Variants in TC2N observed in about 807,000 individuals in gnomAD.
The protein encoded by TC2N is tandem C2 domains, nuclear.
A neutral mutation model predicts 61.9 loss-of-function variants in TC2N; 51 were observed. The observed-to-expected ratio is 0.82, with a 90% CI of 0.66 to 1.04. The LOEUF is 1.04. Among genes scored for constraint, TC2N ranks in the 50% least tolerant of loss-of-function variants. The probability of loss-of-function intolerance (pLI) is 0.00; values close to 1 mark genes in which losing one functional copy is unlikely to be tolerated. For synonymous variants in TC2N, 204 were observed against 192.6 expected (o/e 1.06, Z -0.49); for missense variants, 556 against 566.7 (o/e 0.98, Z 0.19).
intron 1 of TC2N, among the ~76,000 whole-genome samples, chr14:91,827,505 T>C (rs1044261690): frequency 1.3e-5 from 2 of 152,192 alleles, no homozygotes; most frequent in African/African-American, 2.4e-5. Context: ...CTGCTACCAT[T>C]GTTACATCTT....
intron 1 of TC2N, among the ~76,000 whole-genome samples, chr14:91,853,411 C>T (rs932328842): frequency 1.3e-5 from 2 of 152,066 alleles, no homozygotes; most frequent in African/African-American, 4.8e-5. Context: ...AGTCAGTCCC[C>T]AGTAGATGTT....
At chr14:91,802,215 G>C (rs768912388) in intron 4 of TC2N, 39 bp downstream of exon 4, 1 of 1,462,244 alleles carries the variant, frequency 6.8e-7, no homozygotes, top group Admixed American at 2.8e-5. Context: ...ATTTCTTAAA[G>C]AGAAACACAG....
At chr14:91,856,215 G>T (rs2007104) in intron 1 of TC2N, among the ~76,000 whole-genome samples, 1 of 152,232 alleles carries the variant, frequency 6.6e-6, no homozygotes, top group East Asian at 1.9e-4. Context: ...AGGGCCAGGC[G>T]TCCTGGCTCA....
intron 9 of TC2N, among the ~76,000 whole-genome samples, chr14:91,788,028 A>G (rs1424804401): frequency 2.0e-5 from 3 of 152,202 alleles, no homozygotes; most frequent in African/African-American, 7.2e-5. Flanking sequence ...AAAGTTACAT[A>G]TGAAAATCAT....
chr14:91,795,117 C>G (rs911857747), intron 8 of TC2N, among the ~76,000 whole-genome samples: 3 of 152,014 alleles, frequency 2.0e-5, no homozygotes, highest in East Asian at 3.8e-4. Flanking sequence ...CCTGAAGATG[C>G]AATTGAATGG....
At chr14:91,857,698 C>A (rs908722150) in intron 1 of TC2N, among the ~76,000 whole-genome samples, 1 of 152,218 alleles carries the variant, frequency 6.6e-6, no homozygotes, top group African/African-American at 2.4e-5. Context: ...ACTCCAATCC[C>A]AGCATTCCTT....
intron 1 of TC2N, among the ~76,000 whole-genome samples, chr14:91,820,640 G>T (rs944587066): frequency 1.3e-5 from 2 of 151,450 alleles, no homozygotes; most frequent in East Asian, 1.9e-4. Context: ...TTTGTCAAAG[G>T]CATTCATCTT....
At chr14:91,796,076 T>C (rs1472363682) in intron 8 of TC2N, among the ~76,000 whole-genome samples, 2 of 152,056 alleles carry the variant, frequency 1.3e-5, no homozygotes, top group Non-Finnish European at 2.9e-5. Context: ...TGGGAACATT[T>C]TTCCTAACTT....
chr14:91,802,376 C>T lies in TC2N; in HGVS notation c.347G>A (p.Ser116Asn), dbSNP rs1319007121. The change falls in exon 4 of 12, where the codon AGT becomes AAT. Residue 116 changes from serine (S) to asparagine (N), a missense_variant. Transcript: ENST00000435962. ...SFGDRKVELSSSSQHGPSYDV... is the reference protein window; with the variant it reads ...SFGDRKVELSNSSQHGPSYDV... ...ATAGCTAGGTCCGTGCTGGGATGAA[C>T]TGGAAAGTTCTACCTTTCGATCTCC... 1.2e-6 allele frequency: 2 copies of T among 1,612,292 alleles called. No homozygotes were observed. Among genetic ancestry groups the T allele is most frequent in the Admixed American group, 3.4e-5 (2 of 59,652 alleles).
intron 1 of TC2N, among the ~76,000 whole-genome samples, chr14:91,827,891 T>C (rs898562711): frequency 2.0e-5 from 3 of 152,232 alleles, no homozygotes; most frequent in African/African-American, 7.2e-5. Flanking sequence ...TGCCAATCAA[T>C]CCATGTGTGA....
chr14:91,815,446 A>G (rs1173595150), intron 1 of TC2N, among the ~76,000 whole-genome samples: 1 of 151,660 alleles, frequency 6.6e-6, no homozygotes, highest in Non-Finnish European at 1.5e-5. Flanking sequence ...AATAAGATAT[A>G]GAGCAAATAA....
At chr14:91,799,824 T>C (rs1380405814) in intron 5 of TC2N, among the ~76,000 whole-genome samples, 2 of 152,136 alleles carry the variant, frequency 1.3e-5, no homozygotes, top group African/African-American at 4.8e-5. Flanking sequence ...TACAGTTTAC[T>C]TGTAATAAAA....
chr14:91,836,331 G>A, intron 1 of TC2N: 1 of 152,206 alleles, frequency 6.6e-6, no homozygotes, highest in Non-Finnish European at 1.5e-5. Flanking sequence ...CACGTCCCAC[G>A]CCCGCGCTGG....
chr14:91,789,143 T>G (rs1276102788), intron 9 of TC2N, among the ~76,000 whole-genome samples: 1 of 152,182 alleles, frequency 6.6e-6, no homozygotes, highest in Admixed American at 6.5e-5. Flanking sequence ...CACGTAAAGG[T>G]GGCAAAACGT....
At chr14:91,824,231 TA>T (rs1887391289) in intron 1 of TC2N, among the ~76,000 whole-genome samples, 1 of 152,118 alleles carries the variant, frequency 6.6e-6, no homozygotes, top group Non-Finnish European at 1.5e-5. Flanking sequence ...ACCCCTGAGG[TA>T]AATGTCTGAA....
At chr14:91,784,658 T>C (rs1188982927) in intron 11 of TC2N, among the ~76,000 whole-genome samples, 1 of 152,130 alleles carries the variant, frequency 6.6e-6, no homozygotes, top group African/African-American at 2.4e-5. Context: ...TTTATACAAA[T>C]TGTACCAAGA....
At chr14:91,797,937 A>C (rs767453156) in intron 7 of TC2N, 36 bp from the exon 8 acceptor site, 2 of 1,269,314 alleles carry the variant, frequency 1.6e-6, no homozygotes, top group Non-Finnish European at 2.3e-6. Context: ...AATTTTACAA[A>C]GGATCCAACA....
At chr14:91,787,931 C>T (rs1389624956) in intron 9 of TC2N, among the ~76,000 whole-genome samples, 3 of 151,702 alleles carry the variant, frequency 2.0e-5, no homozygotes, top group African/African-American at 7.3e-5. Flanking sequence ...GAAGAAAATG[C>T]CAGTGAAATT....
chr14:91,825,284 G>A (rs570836013), intron 1 of TC2N, among the ~76,000 whole-genome samples: 62 of 151,826 alleles, frequency 4.1e-4, no homozygotes, highest in African/African-American at 1.3e-3. Context: ...CACCCGCGTC[G>A]GCCTCCCAAA....
Sources: allele counts gnomAD v4.1 joint callset (sites outside exome capture counted in the v4.1 genomes callset), GRCh38; gene constraint gnomAD v4.1.1; transcripts MANE v1.5; gene names NCBI Gene and HGNC (gene_info 2026-07-23, HGNC 2026-07-21).